Variants in ZNF384 observed in about 807,000 individuals in gnomAD.
The protein encoded by ZNF384 is zinc finger protein 384.
Under a neutral mutation model 65.0 loss-of-function variants are expected in ZNF384, and 20 were observed. The ratio of observed to expected loss-of-function variants is 0.31; its 90% CI spans 0.22 to 0.45. The LOEUF is 0.45. ZNF384 is among the 20% of genes least tolerant of loss of function. The probability of loss-of-function intolerance (pLI) is 1.00; values close to 1 mark genes in which losing one functional copy is unlikely to be tolerated. For missense variants in ZNF384, 549 were observed against 769.4 expected, an observed-to-expected ratio of 0.71 and a Z score of 3.39; for synonymous variants, 310 against 303.9, an observed-to-expected ratio of 1.02 and a Z score of -0.21.
intron 2 of ZNF384, among the ~76,000 whole-genome samples, chr12:6,682,207 G>A (rs1204494611): frequency 3.3e-5 from 5 of 151,586 alleles, no homozygotes; most frequent in Non-Finnish European, 2.9e-5. Context: ...ATAATCCTAG[G>A]TATTTGGAAG....
In ZNF384 at chr12:6,672,559, G is replaced by A. The variant is rs1376741570; in HGVS notation, c.1005-27C>T. ...TGCCGGAGAGGAGAGGAGGGAAGGG[G>A]GGAGGAGGAAGCAGTTCGACACCAG... On this transcript the variant is annotated intron_variant, in intron 8 of 11. Coordinates refer to ENST00000683879, the MANE Select transcript of ZNF384 (RefSeq NM_001385745.1). The surrounding 1 kb of genome is among the most constrained non-coding windows in gnomAD (Gnocchi z 4.4). The A allele has an allele frequency of 6.2e-7, 1 of 1,609,872 alleles. No homozygotes were observed. The highest frequency in any genetic ancestry group is 1.3e-5 in the African/African-American group (1 of 74,932).
intron 10 of ZNF384, among the ~76,000 whole-genome samples, chr12:6,669,723 A>G (rs1487097363): frequency 6.6e-6 from 1 of 152,064 alleles, no homozygotes; most frequent in East Asian, 1.9e-4. Flanking sequence ...GCTGGTTTCC[A>G]ACTCCTGAGC....
At position 6,668,005 on chromosome 12, in the gene ZNF384, T is replaced by TTGAGCTTGAGCCTGGGCC. The variant is rs1565419391; in HGVS notation, c.1518_1535dup (p.Gln522_Ala527dup). ...CTTGAGCCTGAGCCTGAGCCTGGGC[T>TTGAGCTTGAGCCTGGGCC]TGAGCTTGAGCCTGGGCCTGGGCCA... On this transcript the variant is annotated inframe_insertion, in exon 12 of 12. Coordinates refer to ENST00000683879, the MANE Select transcript of ZNF384 (RefSeq NM_001385745.1). The TTGAGCTTGAGCCTGGGCC allele has an allele frequency of 6.2e-7, 1 of 1,613,198 alleles. No homozygotes were observed. The highest frequency in any genetic ancestry group is 1.7e-5 in the Admixed American group (1 of 59,954).
chr12:6,673,192 G>A lies in ZNF384; in HGVS notation c.1004+24C>T, dbSNP rs374939929. The A allele has an allele frequency of 3.1e-6, 5 of 1,606,770 alleles. No individual in the cohort carries two copies. Among genetic ancestry groups the A allele is most frequent in the African/African-American group, 1.3e-5 (1 of 74,924 alleles). The stretch of plus-strand genomic sequence containing the variant: ...GTCTTAGGGTTCACGGCCAGGTGGT[G>A]GGGTAAACCAAGAGCAGCCTTACCG... On this transcript the variant is annotated intron_variant, in intron 8 of 11. Transcript: ENST00000683879. The surrounding 1 kb of genome is among the most constrained non-coding windows in gnomAD (Gnocchi z 4.7).
chr12:6,673,881 G>T lies in ZNF384; in HGVS notation c.780-441C>A, dbSNP rs1952503582. On this transcript the variant is annotated intron_variant, in intron 7 of 11. Transcript: ENST00000683879. This position sits in a 1 kb window ranked among gnomAD's most constrained non-coding sequence, Gnocchi z 4.7. ...GATGATAATGAGGAACAACTAACTG[G>T]ATCCTCTCCTGTCTCCATAGATAAT... Among the ~76,000 whole-genome samples the T allele has an allele frequency of 6.6e-6, 1 of 151,990 alleles. No homozygotes were observed. Among genetic ancestry groups the T allele is most frequent in the African/African-American group, 2.4e-5 (1 of 41,364 alleles).
chr12:6,678,557 C>T lies in ZNF384; in HGVS notation c.353-97G>A. The T allele has an allele frequency of 1.4e-6, 2 of 1,474,604 alleles. No individual in the cohort carries two copies. Among genetic ancestry groups the T allele is most frequent in the Non-Finnish European group, 9.4e-7 (1 of 1,069,020 alleles). The allele number at this position is 1,474,604 out of a possible 1,614,324, so 91.3% of individuals were successfully genotyped here. On this transcript the variant is annotated intron_variant, in intron 5 of 11. Transcript: ENST00000683879. The surrounding 1 kb of genome is among the most constrained non-coding windows in gnomAD (Gnocchi z 4.9). ...AGATCATTGTCTAATTAACCCCTCA[C>T]CCCCCCGCCGACCCAACCCAGAGTA...
chr12:6,677,310 A>T, intron 6 of ZNF384, 51 bp from the exon 7 acceptor site: 1 of 1,273,954 alleles, frequency 7.8e-7, no homozygotes, highest in Non-Finnish European at 1.0e-6. Flanking sequence ...AACTAAGGAC[A>T]GACCCAGACT....
intron 11 of ZNF384, among the ~76,000 whole-genome samples, chr12:6,668,661 T>G (rs1950394003): frequency 7.0e-6 from 1 of 142,634 alleles, no homozygotes; most frequent in South Asian, 2.2e-4. Context: ...CGAGCCGAGA[T>G]CACACCACTG....
At chr12:6,682,400 T>TA (rs1384525009) in intron 2 of ZNF384, among the ~76,000 whole-genome samples, 3 of 152,008 alleles carry the variant, frequency 2.0e-5, no homozygotes, top group African/African-American at 7.3e-5. Context: ...GGCTCATGTG[T>TA]GTAATCCCAG....
chr12:6,666,940 C>G lies in ZNF384; in HGVS notation c.*774G>C. 4.8e-6 allele frequency: 1 copy of G among 207,256 alleles called. No individual in the cohort carries two copies. The highest frequency in any genetic ancestry group is 9.8e-6 in the Non-Finnish European group (1 of 101,614). 12.8% of individuals were successfully genotyped at this position (207,256 alleles called of 1,614,324 possible). ...GCAACACCCCTGTTTTGGAGTTTCA[C>G]AGATAACACAAAGCCTCCCACAGCT... On this transcript the variant is annotated 3_prime_UTR_variant, in exon 12 of 12. Coordinates refer to ENST00000683879, the MANE Select transcript of ZNF384 (RefSeq NM_001385745.1).
At chr12:6,670,331 G>A (rs533651647) in intron 10 of ZNF384, among the ~76,000 whole-genome samples, 13 of 152,186 alleles carry the variant, frequency 8.5e-5, no homozygotes, top group Admixed American at 2.0e-4. Flanking sequence ...GGGAGGCTGA[G>A]GTGGAAGGAT....
At chr12:6,669,514 C>T (rs7978142) in intron 10 of ZNF384, among the ~76,000 whole-genome samples, 5,360 of 143,400 alleles carry the variant, frequency 0.037, 337 homozygotes, top group African/African-American at 0.13. Context: ...TTTTTTTTTT[C>T]CCAGATGAAG....
At chr12:6,668,651 C>T (rs569710760) in intron 11 of ZNF384, among the ~76,000 whole-genome samples, 3 of 148,436 alleles carry the variant, frequency 2.0e-5, no homozygotes, top group African/African-American at 7.5e-5. Flanking sequence ...TACAGTGAGC[C>T]GAGCCGAGAT....
intron 6 of ZNF384, 61 bp from the exon 7 acceptor site, chr12:6,677,320 TC>T: frequency 7.9e-7 from 1 of 1,260,242 alleles, no homozygotes; most frequent in South Asian, 1.3e-5. Context: ...AGACCCAGAC[TC>T]CCAGCCATGC....
In ZNF384 at chr12:6,668,039, G is replaced by A. The variant is rs762323795; in HGVS notation, c.1502C>T (p.Ala501Val). 2.0e-5 allele frequency: 32 copies of A among 1,612,788 alleles called. No individual in the cohort carries two copies. In the African/African-American group the frequency reaches 3.7e-4, roughly 19 times the overall value. ...AGCCTGGGCCTGGGCCACTGCTGCC[G>A]CTGCTGCTGCTGCCTGCACCTGTTG... is the stretch of plus-strand genomic sequence containing the variant. The part of the protein sequence containing the change: ...LQQQVQAAAA[A>V]AAVAQAQAQA... The change falls in exon 12 of 12, where the codon GCG (alanine) becomes GTG (valine). Residue 501 changes from alanine to valine, a missense_variant. Physicochemically the swap from Ala to Val is moderately conservative, Grantham distance 64 (BLOSUM62 0). Coordinates refer to ENST00000683879, the MANE Select transcript of ZNF384 (RefSeq NM_001385745.1).
At position 6,667,623 on chromosome 12, in the gene ZNF384, A is replaced by G; in HGVS notation, c.*91T>C. ...CAAGGAGATGGAGCCAAGGCCTGTC[A>G]AGGAAGAAAAGGACTTTTCCCACCA... On this transcript the variant is annotated 3_prime_UTR_variant, in exon 12 of 12. Transcript: ENST00000683879. The G allele has an allele frequency of 1.3e-6, 2 of 1,564,702 alleles. No homozygotes were observed. Among genetic ancestry groups the G allele is most frequent in the Non-Finnish European group, 1.8e-6 (2 of 1,140,732 alleles).
At chr12:6,683,028 T>C (rs1178311858) in intron 2 of ZNF384, among the ~76,000 whole-genome samples, 1 of 152,142 alleles carries the variant, frequency 6.6e-6, no homozygotes. Context: ...TGGTGGCTCA[T>C]GCCTGTAATT....
At chr12:6,676,169 G>A (rs1251155941) in intron 7 of ZNF384, among the ~76,000 whole-genome samples, 1 of 152,140 alleles carries the variant, frequency 6.6e-6, no homozygotes, top group Non-Finnish European at 1.5e-5. Flanking sequence ...GGGCGTGGTG[G>A]CGCACCTATA....
At chr12:6,681,763 C>A (rs569252607) in intron 2 of ZNF384, among the ~76,000 whole-genome samples, 1 of 152,122 alleles carries the variant, frequency 6.6e-6, no homozygotes, top group Admixed American at 6.5e-5. Context: ...TTAAACAGCA[C>A]CCCCAATTTT....
Sources: allele counts gnomAD v4.1 joint callset (sites outside exome capture counted in the v4.1 genomes callset), GRCh38; gene constraint gnomAD v4.1.1; non-coding constraint Gnocchi (gnomAD v3.1); transcripts MANE v1.5; gene names NCBI Gene and HGNC (gene_info 2026-07-23, HGNC 2026-07-21).